Variants in SLC25A47 observed in about 807,000 individuals in gnomAD.
SLC25A47 encodes the protein solute carrier family 25 member 47.
Under a neutral mutation model 29.8 loss-of-function variants are expected in SLC25A47, and 30 were observed. The observed-to-expected ratio is 1.01, with a 90% CI of 0.75 to 1.36. The LOEUF (loss-of-function observed/expected upper bound fraction) is 1.36. Among genes scored for constraint, SLC25A47 ranks in the 40% most tolerant of loss-of-function variants. The probability of loss-of-function intolerance (pLI) is 0.00; values close to 1 mark genes in which losing one functional copy is unlikely to be tolerated. For missense variants in SLC25A47, 430 were observed against 441.9 expected (o/e 0.97, Z 0.24); for synonymous variants, 204 against 197.8 (o/e 1.03, Z -0.26).
At chr14:100,329,089 T>G (rs996435275) in intron 5 of SLC25A47, 45 bp downstream of exon 5, 10 of 1,580,542 alleles carry the variant, frequency 6.3e-6, no homozygotes, top group Non-Finnish European at 8.5e-6. Flanking sequence ...CCCAGAAGGA[T>G]GAGGAGGTCA....
chr14:100,329,824 C>T lies in SLC25A47; in HGVS notation c.*179C>T. On this transcript the variant is annotated 3_prime_UTR_variant, in exon 6 of 6. Transcript: ENST00000361529. ...GAGCTCGCCCTGCCCAGCTACTGAC[C>T]TCAGGTCGAGGGGCCCGCCAGCCAT... The T allele has an allele frequency of 2.2e-6, 2 of 904,406 alleles. No homozygotes were observed. The highest frequency in any genetic ancestry group is 2.7e-5 in the East Asian group (1 of 37,246). 56.0% of individuals were successfully genotyped at this position (904,406 alleles called of 1,614,324 possible). A position where few individuals can be genotyped will look rare whatever the true frequency, so the allele number is the denominator to read the frequency against.
chr14:100,329,548 G>A lies in SLC25A47; in HGVS notation c.830G>A (p.Gly277Glu), dbSNP rs868019775. 1.2e-6 allele frequency: 2 copies of A among 1,613,592 alleles called. No homozygotes were observed. The highest frequency in any genetic ancestry group is 1.3e-5 in the African/African-American group (1 of 75,038). The change falls in exon 6 of 6, where the codon GGG becomes GAG. Residue 277 changes from glycine (G) to glutamate (E), a missense_variant. Physicochemically the swap from Gly to Glu is moderately conservative, Grantham distance 98. Transcript: ENST00000361529. ...REEGPRVLFK[G>E]LVLNCCRAFP... Reference sequence around the variant, plus strand: ...GAGGGACCCCGGGTCCTTTTCAAGGGGCTGGTACTCAATTGCTGCCGCGCC... The same window carrying A: ...GAGGGACCCCGGGTCCTTTTCAAGGAGCTGGTACTCAATTGCTGCCGCGCC...
intron 2 of SLC25A47, 46 bp from the exon 3 acceptor site, chr14:100,326,103 TGGCCTTGC>T: frequency 6.8e-7 from 1 of 1,474,838 alleles, no homozygotes; most frequent in Non-Finnish European, 9.4e-7. Context: ...CAGGGCCTGC[TGGCCTTGC>T]CCTAGGCCTG....
chr14:100,326,131 G>A (rs760621828), intron 2 of SLC25A47, 26 bp from the exon 3 acceptor site: 27 of 1,602,052 alleles, frequency 1.7e-5, no homozygotes, highest in Admixed American at 5.1e-5. Flanking sequence ...GGAGCCGCTC[G>A]TGCCTGAAGC....
Position 100,325,534 on chromosome 14 carries a change from A to C in SLC25A47, c.29-254A>C, listed in dbSNP as rs142327244. Among the ~76,000 whole-genome samples the C allele has an allele frequency of 4.4e-4, 67 of 152,362 alleles. 1 individual carries two copies. In the East Asian group the frequency reaches 0.013, roughly 29 times the overall value. On this transcript the variant is annotated intron_variant, in intron 1 of 5. Coordinates refer to ENST00000361529, the MANE Select transcript of SLC25A47 (RefSeq NM_207117.4). The stretch of plus-strand genomic sequence containing the variant: ...TGGCCCAAGGCAGCGAGGACGAGGC[A>C]GTCCCGGGCCAGGACTCAGGGAAGG...
In SLC25A47 at chr14:100,329,348, C is replaced by T; in HGVS notation, c.647-17C>T. 6 of 1,580,992 alleles carry T rather than the reference C, an allele frequency of 3.8e-6. No individual in the cohort carries two copies. The highest frequency in any genetic ancestry group is 4.3e-6 in the Non-Finnish European group (5 of 1,164,734). On this transcript the variant is annotated splice_polypyrimidine_tract_variant and intron_variant, in intron 5 of 5. Coordinates refer to ENST00000361529, the MANE Select transcript of SLC25A47 (RefSeq NM_207117.4). ...CCCGATCAGGCTCCCAGTCAAGGCA[C>T]TGTGGTCTCTCTGCAGATGTCCCGG...
intron 1 of SLC25A47, among the ~76,000 whole-genome samples, chr14:100,323,693 G>A (rs1347247484): frequency 1.3e-5 from 2 of 152,120 alleles, no homozygotes; most frequent in African/African-American, 2.4e-5. Flanking sequence ...TGGGGCTGTG[G>A]TCTAGGCATG....
chr14:100,329,189 C>T, intron 5 of SLC25A47, 145 bp downstream of exon 5: 2 of 1,208,588 alleles, frequency 1.7e-6, no homozygotes, highest in Non-Finnish European at 2.3e-6. Context: ...TCTCCCAACA[C>T]CAAGAGTCAG....
chr14:100,329,643 T>C lies in SLC25A47; in HGVS notation c.925T>C (p.Ter309GlnextTer17). The C allele has an allele frequency of 1.2e-6, 2 of 1,604,940 alleles. No individual in the cohort carries two copies. Among genetic ancestry groups the C allele is most frequent in the Non-Finnish European group, 1.7e-6 (2 of 1,174,640 alleles). ...GAGGCTCGCCCGGGGTCTGCTCACA[T>C]AGCCGGTCCCCACGCCCAGCGGCCC... ...VLRLARGLLT[*>Q] is the part of the protein sequence containing the mutation. Residue 309 changes from the stop codon to glutamine, a stop_lost, in exon 6 of 6, where the codon TAG becomes CAG. Transcript: ENST00000361529.
chr14:100,323,353 C>G lies in SLC25A47; in HGVS notation c.-62C>G, dbSNP rs1595387450. On this transcript the variant is annotated 5_prime_UTR_variant, in exon 1 of 6. Transcript: ENST00000361529. The stretch of plus-strand genomic sequence containing the variant: ...GCCAGCTGGGAGCTGTTGAGGCCAC[C>G]CTGGTGGCACCAAAGCCCTCTCAGG... 3 of 1,603,302 alleles carry G rather than the reference C, an allele frequency of 1.9e-6. No individual in the cohort carries two copies. The highest frequency in any genetic ancestry group is 1.1e-5 in the South Asian group (1 of 90,746).
chr14:100,327,094 G>A (rs1535464), intron 3 of SLC25A47, 94 bp from the exon 4 acceptor site: 275,520 of 1,268,686 alleles, frequency 0.22, 31,665 homozygotes, highest in Non-Finnish European at 0.24. Flanking sequence ...CCCGAGGTCC[G>A]ACAGCGGAGT....
At chr14:100,327,155 G>C (rs1307771588) in intron 3 of SLC25A47, 33 bp from the exon 4 acceptor site, 1 of 1,555,648 alleles carries the variant, frequency 6.4e-7, no homozygotes, top group Non-Finnish European at 8.7e-7. Context: ...CCTCCTGGCG[G>C]GGCCCTAGCC....
chr14:100,323,668 AGGGCAGGCTGG>A (rs965534343), intron 1 of SLC25A47, among the ~76,000 whole-genome samples: 1 of 151,862 alleles, frequency 6.6e-6, no homozygotes, highest in Non-Finnish European at 1.5e-5. Context: ...CAGGAGGCTG[AGGGCAGGCTGG>A]GGATGGGGCT....
chr14:100,327,517 T>C (rs1198980738), intron 4 of SLC25A47, 147 bp downstream of exon 4: 3 of 937,270 alleles, frequency 3.2e-6, no homozygotes, highest in Non-Finnish European at 4.6e-6. Flanking sequence ...GGAGAAGAAC[T>C]CGCATCCCGC....
At position 100,327,279 on chromosome 14, in the gene SLC25A47, C is replaced by A. The variant is rs200641417; in HGVS notation, c.236C>A (p.Ala79Glu). 1.1e-5 allele frequency: 17 copies of A among 1,606,742 alleles called. No individual in the cohort carries two copies. In the East Asian group the frequency reaches 1.3e-4, roughly 13 times the overall value. Residue 79 changes from alanine (A) to glutamate (E), a missense_variant, in exon 4 of 6, where the codon GCG becomes GAG. Ala to Glu is a moderately radical substitution (Grantham distance 107, BLOSUM62 -1). Coordinates refer to ENST00000361529, the MANE Select transcript of SLC25A47 (RefSeq NM_207117.4). ...VSFGTYRHCL[A>E]HICRLRYGNP... Reference sequence around the variant, plus strand: ...TTTGGCACCTACCGCCACTGCCTGGCGCACATCTGCCGGCTCCGGTACGGC... The same window carrying A: ...TTTGGCACCTACCGCCACTGCCTGGAGCACATCTGCCGGCTCCGGTACGGC...
At chr14:100,326,610 G>A (rs149862989) in intron 3 of SLC25A47, among the ~76,000 whole-genome samples, 209 of 152,294 alleles carry the variant, frequency 1.4e-3, no homozygotes, top group African/African-American at 4.8e-3. Context: ...ATTCTCCTAC[G>A]TGGACTTGGG....
intron 3 of SLC25A47, among the ~76,000 whole-genome samples, 187 bp from the exon 4 acceptor site, chr14:100,327,001 G>C (rs2139845914): frequency 6.6e-6 from 1 of 152,218 alleles, no homozygotes; most frequent in East Asian, 1.9e-4. Context: ...GGTTGGGCCT[G>C]GTCCTCTGGC....
chr14:100,325,684 G>C (rs1362997110), intron 1 of SLC25A47, 104 bp from the exon 2 acceptor site: 6 of 1,217,496 alleles, frequency 4.9e-6, no homozygotes, highest in Non-Finnish European at 6.9e-6. Context: ...GTCTGCCCTT[G>C]GGGGAGCCCA....
intron 1 of SLC25A47, among the ~76,000 whole-genome samples, chr14:100,324,463 G>A (rs893306574): frequency 3.3e-5 from 5 of 152,166 alleles, no homozygotes; most frequent in East Asian, 1.9e-4. Context: ...GACCTCAAGC[G>A]ATCCGCACGC....
Sources: allele counts gnomAD v4.1 joint callset (sites outside exome capture counted in the v4.1 genomes callset), GRCh38; gene constraint gnomAD v4.1.1; transcripts MANE v1.5; gene names NCBI Gene and HGNC (gene_info 2026-07-23, HGNC 2026-07-21).